PCDH15: variants seen among roughly 807,000 people sequenced by gnomAD.
PCDH15 encodes protocadherin related 15.
A neutral mutation model predicts 178.5 loss-of-function variants in PCDH15; 129 were observed. The observed-to-expected ratio is 0.72, with a 90% confidence interval of 0.63 to 0.84. PCDH15 has a LOEUF of 0.84. PCDH15 is among the 40% of genes least tolerant of loss of function. PCDH15 has a pLI of 0.00. For synonymous variants in PCDH15, 800 were observed against 732.0 expected, an observed-to-expected ratio of 1.09 and a Z score of -1.50; for missense variants, 2,230 against 2,099.9, an observed-to-expected ratio of 1.06 and a Z score of -1.21.
chr10:55,370,644 T>C (rs1845484754), intron 2 of PCDH15, among the ~76,000 whole-genome samples: 1 of 152,132 alleles, frequency 6.6e-6, no homozygotes. Flanking sequence ...AAATTGCTTC[T>C]TGTTTTATGT....
At chr10:53,829,426 T>G (rs2076891705) in intron 30 of PCDH15, among the ~76,000 whole-genome samples, 1 of 152,164 alleles carries the variant, frequency 6.6e-6, no homozygotes, top group South Asian at 2.1e-4. Context: ...ATACAAGAAT[T>G]TTTCTCACTG....
At chr10:54,248,237 C>A (rs1244619601) in intron 8 of PCDH15, among the ~76,000 whole-genome samples, 2 of 151,770 alleles carry the variant, frequency 1.3e-5, no homozygotes, top group Non-Finnish European at 2.9e-5. Flanking sequence ...GATTATCTAT[C>A]TCTGCTATTT....
At chr10:53,816,156 C>T (rs2076053007) in intron 35 of PCDH15, 83 bp downstream of exon 35, 1 of 398,182 alleles carries the variant, frequency 2.5e-6, no homozygotes, top group Admixed American at 4.4e-5. Flanking sequence ...CAGACACCCA[C>T]TCTGCCTACA....
chr10:53,963,070 A>AC (rs1292012980), intron 21 of PCDH15, among the ~76,000 whole-genome samples: 1 of 152,098 alleles, frequency 6.6e-6, no homozygotes, highest in Admixed American at 6.6e-5. Context: ...TAAGAACATT[A>AC]CCCCCCACAG....
At chr10:53,945,387 C>A (rs879542315) in intron 23 of PCDH15, among the ~76,000 whole-genome samples, 1 of 152,110 alleles carries the variant, frequency 6.6e-6, no homozygotes, top group Non-Finnish European at 1.5e-5. Context: ...AATTAAACTA[C>A]CATTTGACTA....
chr10:54,690,309 CCTT>C (rs2095096640), intron 1 of PCDH15, among the ~76,000 whole-genome samples: 1 of 120,816 alleles, frequency 8.3e-6, no homozygotes, highest in Non-Finnish European at 1.8e-5. Flanking sequence ...TACAAGACTA[CCTT>C]TTTTTTTTTT....
intron 2 of PCDH15, among the ~76,000 whole-genome samples, chr10:54,926,690 T>C (rs1837636676): frequency 6.6e-6 from 1 of 152,150 alleles, no homozygotes; most frequent in Non-Finnish European, 1.5e-5. Flanking sequence ...CGAGGGTATA[T>C]GTGTTCAAAA....
At chr10:54,458,730 C>T (rs762630320) in intron 3 of PCDH15, among the ~76,000 whole-genome samples, 1 of 152,152 alleles carries the variant, frequency 6.6e-6, no homozygotes, top group African/African-American at 2.4e-5. Context: ...ACTTCAGTGA[C>T]TGAACTCAAC....
intron 2 of PCDH15, among the ~76,000 whole-genome samples, chr10:54,958,820 T>C (rs1342148765): frequency 6.6e-6 from 1 of 151,844 alleles, no homozygotes; most frequent in African/African-American, 2.4e-5. Flanking sequence ...GCAAAACTTC[T>C]AGATAATTTT....
chr10:54,952,932 T>C (rs1204436613), intron 2 of PCDH15, among the ~76,000 whole-genome samples: 3 of 151,698 alleles, frequency 2.0e-5, no homozygotes, highest in Admixed American at 6.6e-5. Context: ...AATCATATCA[T>C]CTGTGAACAA....
intron 2 of PCDH15, among the ~76,000 whole-genome samples, chr10:55,328,491 A>C (rs1260654293): frequency 6.6e-6 from 1 of 151,834 alleles, no homozygotes; most frequent in Non-Finnish European, 1.5e-5. Flanking sequence ...TAAACATATA[A>C]TGGTACAGTA....
chr10:54,806,750 C>T (rs1486280388), intron 3 of PCDH15, among the ~76,000 whole-genome samples: 2 of 152,130 alleles, frequency 1.3e-5, no homozygotes, highest in Non-Finnish European at 2.9e-5. Flanking sequence ...TCAAAGAATT[C>T]TGGGATTACA....
At chr10:55,162,838 T>G (rs1402542265) in intron 2 of PCDH15, among the ~76,000 whole-genome samples, 1 of 152,108 alleles carries the variant, frequency 6.6e-6, no homozygotes. Flanking sequence ...TGAGTCTCAG[T>G]CCCTCTGCTT....
At chr10:53,943,452 G>C (rs950293250) in intron 23 of PCDH15, among the ~76,000 whole-genome samples, 3 of 151,454 alleles carry the variant, frequency 2.0e-5, no homozygotes, top group African/African-American at 4.9e-5. Context: ...CTACAGTCTG[G>C]GCAACAGAGC....
chr10:55,517,803 A>G (rs941208855), intron 2 of PCDH15, among the ~76,000 whole-genome samples: 1 of 152,152 alleles, frequency 6.6e-6, no homozygotes, highest in Non-Finnish European at 1.5e-5. Flanking sequence ...AGTACTATTC[A>G]ACAATACAAA....
intron 2 of PCDH15, among the ~76,000 whole-genome samples, chr10:54,597,908 A>G (rs1299616202): frequency 2.6e-5 from 4 of 152,168 alleles, no homozygotes; most frequent in Non-Finnish European, 5.9e-5. Flanking sequence ...ATTCCTACAC[A>G]CATACAGTCT....
intron 5 of PCDH15, among the ~76,000 whole-genome samples, chr10:54,359,223 A>C (rs1417333855): frequency 6.6e-6 from 1 of 152,088 alleles, no homozygotes; most frequent in Admixed American, 6.6e-5. Flanking sequence ...ATATATGTAC[A>C]TAGTGCTCTA....
In PCDH15 at chr10:54,728,719, G is replaced by A. The variant is rs367781888; in HGVS notation, c.-28-64429C>T. On this transcript the variant is annotated intron_variant, in intron 1 of 37. Transcript: ENST00000644397. Reference sequence around the variant, plus strand: ...CCCAAACACTCCTAGAATTGATAACGTCAGCAAAGTTTCAGGATACAAAAT... The same window carrying A: ...CCCAAACACTCCTAGAATTGATAACATCAGCAAAGTTTCAGGATACAAAAT... 4.9e-4 allele frequency among the ~76,000 whole-genome samples: 74 copies of A among 151,276 alleles called. 1 individual carries two copies. The highest frequency in any genetic ancestry group is 4.9e-4 in the Non-Finnish European group (33 of 67,456).
Position 54,948,465 on chromosome 10 carries a change from C to A in PCDH15, c.-79-50965G>T, listed in dbSNP as rs192761016. Among the ~76,000 whole-genome samples the A allele has an allele frequency of 4.6e-5, 7 of 152,020 alleles. No individual in the cohort carries two copies. The East Asian group carries it at 1.4e-3, about 29-fold the overall frequency. ...CAGAGCTAAGGAATATCCAGGACAG[C>A]TAATGAGACATTATTTCTGAGTGTC... On this transcript the variant is annotated intron_variant, in intron 2 of 5. Transcript: ENST00000458638.
Sources: allele counts gnomAD v4.1 joint callset (sites outside exome capture counted in the v4.1 genomes callset), GRCh38; gene constraint gnomAD v4.1.1; transcripts MANE v1.5; gene names NCBI Gene and HGNC (gene_info 2026-07-23, HGNC 2026-07-21).